The following AMPH variants were observed in gnomAD, a reference collection of about 807,000 sequenced individuals.
The protein encoded by AMPH is amphiphysin (Stiff-Mann syndrome with breast cancer 128kD autoantigen).
In AMPH, 49 loss-of-function variants were observed where a neutral mutation model predicts 99.1. That is an observed-to-expected ratio of 0.49 (90% CI 0.39 to 0.63). The LOEUF is 0.63. AMPH is among the 20% of genes least tolerant of loss of function. The pLI is 0.00. For synonymous variants in AMPH, 314 were observed against 317.3 expected (o/e 0.99, Z 0.11); for missense variants, 759 against 863.4 (o/e 0.88, Z 1.52).
chr7:38,545,938 A>T (rs1180905592), intron 1 of AMPH, among the ~76,000 whole-genome samples: 1 of 152,250 alleles, frequency 6.6e-6, no homozygotes, highest in African/African-American at 2.4e-5. Flanking sequence ...CATACATTGC[A>T]GGTTTGAATG....
At chr7:38,386,097 G>A (rs1784341078) in intron 20 of AMPH, among the ~76,000 whole-genome samples, 1 of 148,122 alleles carries the variant, frequency 6.8e-6, no homozygotes, top group African/African-American at 2.5e-5. Context: ...AGAAATATAA[G>A]TATTTAGACA....
chr7:38,521,382 G>A (rs1002756116), intron 2 of AMPH, among the ~76,000 whole-genome samples: 65 of 152,198 alleles, frequency 4.3e-4, no homozygotes, highest in Non-Finnish European at 7.4e-4. Flanking sequence ...TTAGTCAGGC[G>A]TGGTGGCAGG....
rs761175828 is a variant in AMPH, at chr7:38,429,862, T to C, written c.1162A>G (p.Ser388Gly). The change falls in exon 14 of 21, where the codon AGC (serine) becomes GGC (glycine). Residue 388 changes from serine to glycine, a missense_variant. This residue lies in a region of AMPH where 554 missense variants were observed against 575.6 expected (regional missense o/e 0.96). Coordinates refer to ENST00000356264, the MANE Select transcript of AMPH (RefSeq NM_001635.4). The part of the protein sequence containing the change: ...QTLPWDLWTT[S>G]TDLVQPASGG... ...CCTACCGGCTGTACCAAATCAGTGC[T>C]TGTCTGTATGGGTAAAGAAAATAGT... 6.2e-7 allele frequency: 1 copy of C among 1,603,376 alleles called. No individual in the cohort carries two copies. Among genetic ancestry groups the C allele is most frequent in the Non-Finnish European group, 8.5e-7 (1 of 1,177,612 alleles).
intron 1 of AMPH, among the ~76,000 whole-genome samples, chr7:38,540,691 G>GAAA (rs1790774301): frequency 9.7e-4 from 1 of 1,030 alleles, no homozygotes; most frequent in Non-Finnish European, 2.2e-3. Flanking sequence ...GTGACCCCAA[G>GAAA]CAAAAAAAAA....
At chr7:38,493,087 C>T (rs34181529) in intron 4 of AMPH, among the ~76,000 whole-genome samples, 18,115 of 152,188 alleles carry the variant, frequency 0.12, 1,275 homozygotes, top group African/African-American at 0.2. Flanking sequence ...TCTCTGTTAG[C>T]ATCTCAGTTA....
In AMPH at chr7:38,445,010, T is replaced by TACACACACAC. The variant is rs1360486310; in HGVS notation, c.1018-8632_1018-8623dup. 1.0e-4 allele frequency among the ~76,000 whole-genome samples: 13 copies of TACACACACAC among 125,862 alleles called. No individual in the cohort carries two copies. In the South Asian group the frequency reaches 1.1e-3, roughly 11 times the overall value. 82.6% of individuals were successfully genotyped at this position (125,862 alleles called of 152,430 possible). A position where few individuals can be genotyped will look rare whatever the true frequency, so the allele number is the denominator to read the frequency against. On this transcript the variant is annotated intron_variant, in intron 11 of 20. Transcript: ENST00000356264. ...ATATACATATATATATATATATATA[T>TACACACACAC]ACACACACACACACGGTATATACAT...
intron 1 of AMPH, among the ~76,000 whole-genome samples, chr7:38,558,183 C>T (rs1791431421): frequency 6.6e-6 from 1 of 152,228 alleles, no homozygotes; most frequent in Admixed American, 6.5e-5. Flanking sequence ...TTCCTGAACA[C>T]TCTAAGCACA....
At chr7:38,424,212 C>CT (rs1329435012) in intron 15 of AMPH, among the ~76,000 whole-genome samples, 2 of 152,216 alleles carry the variant, frequency 1.3e-5, no homozygotes, top group East Asian at 3.9e-4. Flanking sequence ...TCAATGAACT[C>CT]TATCTACCTG....
intron 2 of AMPH, among the ~76,000 whole-genome samples, chr7:38,523,238 C>T (rs1015267739): frequency 6.6e-6 from 1 of 151,886 alleles, no homozygotes; most frequent in Non-Finnish European, 1.5e-5. Context: ...TGTATATACA[C>T]GTGTTGTGTG....
At chr7:38,555,822 ATAAGCATAT>A (rs1791343446) in intron 1 of AMPH, among the ~76,000 whole-genome samples, 1 of 152,206 alleles carries the variant, frequency 6.6e-6, no homozygotes, top group Non-Finnish European at 1.5e-5. Context: ...CAAATGTTCT[ATAAGCATAT>A]ATACTTTAGA....
At chr7:38,476,066 A>G (rs769978091) in intron 6 of AMPH, among the ~76,000 whole-genome samples, 6 of 152,184 alleles carry the variant, frequency 3.9e-5, no homozygotes, top group Non-Finnish European at 7.4e-5. Context: ...GGTATCCAGG[A>G]GGCCTCTCAT....
At chr7:38,588,481 T>C (rs536400792) in intron 1 of AMPH, among the ~76,000 whole-genome samples, 1 of 152,282 alleles carries the variant, frequency 6.6e-6, no homozygotes, top group South Asian at 2.1e-4. Flanking sequence ...CCTTTCTTGG[T>C]GAACTGATCT....
At chr7:38,598,436 G>A (rs1412232128) in intron 1 of AMPH, among the ~76,000 whole-genome samples, 1 of 152,130 alleles carries the variant, frequency 6.6e-6, no homozygotes, top group Non-Finnish European at 1.5e-5. Flanking sequence ...CCAAGTAGCT[G>A]GGATTACAGG....
In AMPH at chr7:38,493,143, G is replaced by A. The variant is rs576503922; in HGVS notation, c.300+1290C>T. The stretch of plus-strand genomic sequence containing the variant: ...ATGTCAGGGTGTCAGAATATCCATG[G>A]AGCAGCCTAGGACTCCACTGTTAAC... On this transcript the variant is annotated intron_variant, in intron 4 of 20. Coordinates refer to ENST00000356264, the MANE Select transcript of AMPH (RefSeq NM_001635.4). 4.6e-5 allele frequency among the ~76,000 whole-genome samples: 7 copies of A among 152,186 alleles called. No homozygotes were observed. The South Asian group carries it at 8.3e-4, about 18-fold the overall frequency.
chr7:38,572,922 G>A (rs73692783), intron 1 of AMPH, among the ~76,000 whole-genome samples: 5,680 of 152,186 alleles, frequency 0.037, 342 homozygotes, highest in African/African-American at 0.13. Flanking sequence ...TGGCCTCCAA[G>A]CTCCAGCACA....
intron 1 of AMPH, among the ~76,000 whole-genome samples, chr7:38,554,262 G>A (rs10215533): frequency 0.93 from 141,681 of 152,234 alleles, 66,004 homozygotes; most frequent in East Asian, 1. Flanking sequence ...TAAATCTGAA[G>A]CTCAAGTAAC....
At chr7:38,481,243 C>T (rs566096096) in intron 5 of AMPH, among the ~76,000 whole-genome samples, 2 of 152,090 alleles carry the variant, frequency 1.3e-5, no homozygotes, top group South Asian at 2.1e-4. Context: ...GGTTGACACA[C>T]ATTAGCTTTT....
chr7:38,627,972 A>C (rs1794316586), intron 1 of AMPH, among the ~76,000 whole-genome samples: 1 of 152,220 alleles, frequency 6.6e-6, no homozygotes, highest in African/African-American at 2.4e-5. Context: ...AAAACCAACC[A>C]ATAGATGTAA....
chr7:38,545,785 C>T (rs374728717), intron 1 of AMPH, among the ~76,000 whole-genome samples: 1 of 152,098 alleles, frequency 6.6e-6, no homozygotes, highest in African/African-American at 2.4e-5. Context: ...GCAATATGCC[C>T]CAACTGCCAG....
Sources: allele counts gnomAD v4.1 joint callset (sites outside exome capture counted in the v4.1 genomes callset), GRCh38; gene constraint gnomAD v4.1.1; regional missense constraint gnomAD v4.1.1; transcripts MANE v1.5; gene names NCBI Gene and HGNC (gene_info 2026-07-23, HGNC 2026-07-21).